LAP3: variants seen among roughly 807,000 people sequenced by gnomAD.
LAP3 encodes leucine aminopeptidase 3.
In LAP3, 46 loss-of-function variants were observed where a neutral mutation model predicts 58.8. That is an observed-to-expected ratio of 0.78 (90% CI 0.62 to 1.00). The LOEUF is 1.00. Among genes scored for constraint, LAP3 ranks in the 50% least tolerant of loss-of-function variants. The pLI is 0.00. For missense variants in LAP3, 615 were observed against 659.1 expected (o/e 0.93, Z 0.73); for synonymous variants, 257 against 237.7 (o/e 1.08, Z -0.75).
Position 17,588,971 on chromosome 4 carries a change from T to G in LAP3, c.857T>G (p.Phe286Cys). 6.2e-7 allele frequency: 1 copy of G among 1,613,658 alleles called. No homozygotes were observed. ...PLVFVGKGIT[F>C]DSGGISIKAS... ...GTGTTTGTTGGGAAAGGAATTACCT[T>G]TGACAGGTATTTTTTATGGTGTCCG... is the stretch of plus-strand genomic sequence containing the variant. The change falls in exon 7 of 13, where the codon TTT becomes TGT. Residue 286 changes from phenylalanine (F) to cysteine (C), a missense_variant. Coordinates refer to ENST00000226299, the MANE Select transcript of LAP3 (RefSeq NM_015907.3).
rs1454925095 is a variant in LAP3 at position 17,597,135 on chromosome 4, G to T, written c.1077+1G>T. On this transcript the variant is annotated splice_donor_variant, in intron 9 of 12. Transcript: ENST00000226299. LOFTEE classifies it high-confidence loss of function. Reference sequence around the variant, plus strand: ...AGCCAAAAACGGGAAGACCATCCAGGTTTGTAAATGTGAGACACAGCACTC... The same window carrying T: ...AGCCAAAAACGGGAAGACCATCCAGTTTTGTAAATGTGAGACACAGCACTC... 1 of 1,613,542 alleles carries T rather than the reference G, an allele frequency of 6.2e-7. No individual in the cohort carries two copies. The highest frequency in any genetic ancestry group is 8.5e-7 in the Non-Finnish European group (1 of 1,179,526).
chr4:17,584,852 T>A, intron 5 of LAP3, 120 bp from the exon 6 acceptor site: 3 of 943,630 alleles, frequency 3.2e-6, no homozygotes, highest in Non-Finnish European at 4.7e-6. Flanking sequence ...TGTGTGCCAA[T>A]TGTTTTTGAT....
intron 6 of LAP3, chr4:17,587,426 G>GTTT (rs1446103155): frequency 5.1e-5 from 4 of 78,186 alleles, no homozygotes; most frequent in African/African-American, 2.4e-4. Flanking sequence ...CCTTGTTGTT[G>GTTT]TTGTTTTTTT....
intron 10 of LAP3, among the ~76,000 whole-genome samples, chr4:17,602,246 G>A (rs759274765): frequency 2.6e-5 from 4 of 152,130 alleles, no homozygotes. Flanking sequence ...ATGCCAGGCA[G>A]TGTGCTTTCT....
chr4:17,607,544 G>A lies in LAP3; in HGVS notation c.1515G>A (p.Arg505=). Residue 505 remains arginine, a synonymous_variant, in exon 13 of 13, where the codon AGG becomes AGA. Transcript: ENST00000226299. ...LRKGMTGRPT[R]TLIEFLLRFS... is the part of the protein sequence containing the mutation. The stretch of plus-strand genomic sequence containing the variant: ...AAGGCATGACTGGGAGGCCCACAAG[G>A]ACTCTCATTGAGTTCTTACTTCGTT... The A allele has an allele frequency of 6.2e-7, 1 of 1,613,894 alleles. No individual in the cohort carries two copies. Among genetic ancestry groups the A allele is most frequent in the Non-Finnish European group, 8.5e-7 (1 of 1,179,964 alleles).
chr4:17,606,825 C>A lies in LAP3; in HGVS notation c.1261-4C>A. ...CTCTTCCACCTGTCATACCTGTTCT[C>A]TAGGCCAGCATTGAAACAGGGGACC... On this transcript the variant is annotated splice_polypyrimidine_tract_variant and splice_region_variant and intron_variant, in intron 11 of 12. Transcript: ENST00000226299. 6.2e-7 allele frequency: 1 copy of A among 1,606,740 alleles called. No homozygotes were observed. The highest frequency in any genetic ancestry group is 1.1e-5 in the South Asian group (1 of 90,530).
chr4:17,603,036 G>A (rs149804531), intron 10 of LAP3, among the ~76,000 whole-genome samples: 2,246 of 151,128 alleles, frequency 0.015, 55 homozygotes, highest in African/African-American at 0.046. Context: ...AGCCAGGCGC[G>A]ATGGCTCACA....
At position 17,584,956 on chromosome 4, in the gene LAP3, ATCTTTCT is replaced by A. The variant is rs1304044971; in HGVS notation, c.540-12_540-6del. ...TGAGAGGTTGTTTGACAGTCACTTTATCTTTCTTCTGCCAGTGGGGATCAGGAGGCCT... is the reference window on the plus strand; with the variant it reads ...TGAGAGGTTGTTTGACAGTCACTTTATCTGCCAGTGGGGATCAGGAGGCCT... On this transcript the variant is annotated splice_polypyrimidine_tract_variant and intron_variant, in intron 5 of 12. Coordinates refer to ENST00000226299, the MANE Select transcript of LAP3 (RefSeq NM_015907.3). 6.2e-7 allele frequency: 1 copy of A among 1,611,892 alleles called. No homozygotes were observed. The highest frequency in any genetic ancestry group is 1.7e-5 in the Admixed American group (1 of 59,906).
Position 17,577,308 on chromosome 4 carries a change from C to T in LAP3, c.-158C>T, listed in dbSNP as rs1009523893. On this transcript the variant is annotated 5_prime_UTR_variant, in exon 1 of 13. Transcript: ENST00000226299. ...CAGCGGTCCAGTCGGCCGGTGCTGC[C>T]CATCCGTCCCGCCCCCTAGACGCAC... is the stretch of plus-strand genomic sequence containing the variant. 1.7e-5 allele frequency: 7 copies of T among 421,472 alleles called. No individual in the cohort carries two copies. Among genetic ancestry groups the T allele is most frequent in the Non-Finnish European group, 2.8e-5 (7 of 248,804 alleles). 26.1% of individuals were successfully genotyped at this position (421,472 alleles called of 1,614,324 possible). A position where few individuals can be genotyped will look rare whatever the true frequency, so the allele number is the denominator to read the frequency against.
At chr4:17,583,327 T>C (rs1436179743) in intron 4 of LAP3, 156 bp from the exon 5 acceptor site, 1 of 784,538 alleles carries the variant, frequency 1.3e-6, no homozygotes, top group Non-Finnish European at 2.1e-6. Flanking sequence ...GTCTTCATTT[T>C]ACAGAAGAGG....
chr4:17,602,345 G>A (rs541878987), intron 10 of LAP3, among the ~76,000 whole-genome samples: 1 of 152,258 alleles, frequency 6.6e-6, no homozygotes, highest in South Asian at 2.1e-4. Flanking sequence ...AGATTACTAG[G>A]AGCTCATACC....
rs115988499 is a variant in LAP3, at chr4:17,601,565, A to G, written c.1180+3007A>G. Among the ~76,000 whole-genome samples, 459 of 152,266 alleles carry G rather than the reference A, an allele frequency of 3.0e-3. 1 individual carries two copies. Among genetic ancestry groups the G allele is most frequent in the African/African-American group, 0.01 (432 of 41,538 alleles). Reference sequence around the variant, plus strand: ...ACTTGTAAAGTATTAATAGGTATGTATATATTGTCCCTCAGTATGCGTGGG... The same window carrying G: ...ACTTGTAAAGTATTAATAGGTATGTGTATATTGTCCCTCAGTATGCGTGGG... On this transcript the variant is annotated intron_variant, in intron 10 of 12. Transcript: ENST00000226299.
intron 11 of LAP3, 79 bp downstream of exon 11, chr4:17,604,746 A>G: frequency 9.0e-7 from 1 of 1,110,840 alleles, no homozygotes; most frequent in South Asian, 1.3e-5. Flanking sequence ...GACTTCTTCA[A>G]CCCTGTGTTA....
Position 17,581,716 on chromosome 4 carries a change from G to A in LAP3, c.219-44G>A, listed in dbSNP as rs764058435. ...GTAAGTGTGCCTTCCCAAGTGAACC[G>A]AGCAAAATACTTGTTTTAAAACGAC... On this transcript the variant is annotated intron_variant, in intron 2 of 12. Coordinates refer to ENST00000226299, the MANE Select transcript of LAP3 (RefSeq NM_015907.3). 5.9e-6 allele frequency: 9 copies of A among 1,537,478 alleles called. No homozygotes were observed. The Admixed American group carries it at 1.0e-4, about 17-fold the overall frequency.
intron 10 of LAP3, among the ~76,000 whole-genome samples, chr4:17,603,563 G>T (rs189240397): frequency 3.3e-5 from 5 of 151,200 alleles, no homozygotes; most frequent in Non-Finnish European, 5.9e-5. Flanking sequence ...GGAGTGCAAT[G>T]GTGCAATCTC....
At chr4:17,603,825 T>C (rs1453218728) in intron 10 of LAP3, among the ~76,000 whole-genome samples, 1 of 87,480 alleles carries the variant, frequency 1.1e-5, no homozygotes, top group Non-Finnish European at 2.5e-5. Context: ...TTTTTTTTTT[T>C]CTTTCTTTCT....
chr4:17,607,353 T>C (rs1173832331), intron 12 of LAP3, 47 bp from the exon 13 acceptor site: 2 of 1,542,916 alleles, frequency 1.3e-6, no homozygotes, highest in Admixed American at 2.0e-5. Context: ...GGGATCTCAG[T>C]GCACATTTAC....
intron 6 of LAP3, chr4:17,585,482 G>C (rs937110873): frequency 1.2e-5 from 2 of 171,304 alleles, no homozygotes; most frequent in Non-Finnish European, 2.5e-5. Context: ...TGTTGCCCAG[G>C]CTGGAGGGCA....
chr4:17,592,100 A>G (rs1385862950), intron 7 of LAP3, among the ~76,000 whole-genome samples: 1 of 152,128 alleles, frequency 6.6e-6, no homozygotes, highest in African/African-American at 2.4e-5. Flanking sequence ...TAAATAAATA[A>G]ATAGATAGAT....
Sources: gnomAD v4.1 joint callset for allele counts (sites outside exome capture counted in the v4.1 genomes callset) on GRCh38, gnomAD v4.1.1 for gene constraint, MANE v1.5 for transcripts, NCBI Gene and HGNC (gene_info 2026-07-23, HGNC 2026-07-21) for gene names.